The following FOXN3 variants were observed in gnomAD, a reference collection of about 807,000 sequenced individuals.
FOXN3 encodes forkhead box protein N3.
A neutral mutation model predicts 38.4 loss-of-function variants in FOXN3; 7 were observed. The observed-to-expected ratio is 0.18, with a 90% CI of 0.10 to 0.34. The LOEUF (loss-of-function observed/expected upper bound fraction) is 0.34. Among genes scored for constraint, FOXN3 ranks in the 10% least tolerant of loss-of-function variants. FOXN3 has a pLI of 1.00. For synonymous variants in FOXN3, 230 were observed against 242.2 expected (o/e 0.95, Z 0.47); for missense variants, 456 against 613.4 (o/e 0.74, Z 2.71).
At position 89,548,337 on chromosome 14, in the gene FOXN3, T is replaced by C. The variant is rs547383136; in HGVS notation, c.-15+70691A>G. 3.3e-5 allele frequency among the ~76,000 whole-genome samples: 5 copies of C among 152,320 alleles called. No homozygotes were observed. The highest frequency in any genetic ancestry group is 3.9e-4 in the East Asian group (2 of 5,186). ...TTATGTTTGTCAGAATATATGCATG[T>C]ATGCGGCTAGGCTACATATACGGTT... On this transcript the variant is annotated intron_variant, in intron 1 of 6. Transcript: ENST00000345097. This position sits in a 1 kb window ranked among gnomAD's most constrained non-coding sequence, Gnocchi z 4.8.
intron 2 of FOXN3, among the ~76,000 whole-genome samples, chr14:89,354,439 T>A (rs1464257294): frequency 6.7e-6 from 1 of 150,352 alleles, no homozygotes; most frequent in Non-Finnish European, 1.5e-5. Context: ...TTGGCCAGGC[T>A]GGTCTCAAAC....
In FOXN3 at chr14:89,347,724, C is replaced by T. The variant is rs368867702; in HGVS notation, c.680+2948G>A. Among the ~76,000 whole-genome samples the T allele has an allele frequency of 1.7e-3, 261 of 152,212 alleles. 2 individuals carry two copies. Among genetic ancestry groups the T allele is most frequent in the African/African-American group, 5.7e-3 (238 of 41,540 alleles). ...ATCCCAGCACTTTGGGAGGCCGAGGCGGGCGGATCATGAGTTCAAGAGATT... is the reference window on the plus strand; with the variant it reads ...ATCCCAGCACTTTGGGAGGCCGAGGTGGGCGGATCATGAGTTCAAGAGATT... On this transcript the variant is annotated intron_variant, in intron 3 of 5. Transcript: ENST00000557258.
chr14:89,525,772 A>G (rs528365645), intron 1 of FOXN3, among the ~76,000 whole-genome samples: 3 of 149,082 alleles, frequency 2.0e-5, no homozygotes, highest in South Asian at 2.1e-4. Context: ...GCTTTATTCT[A>G]TGAGTCCAGG....
At chr14:89,254,738 C>G (rs1407481484) in intron 4 of FOXN3, among the ~76,000 whole-genome samples, 1 of 152,132 alleles carries the variant, frequency 6.6e-6, no homozygotes, top group Non-Finnish European at 1.5e-5. Flanking sequence ...CCTCCAAGTT[C>G]TGCCTCTGAA....
chr14:89,570,070 G>A (rs934990884), intron 1 of FOXN3, among the ~76,000 whole-genome samples: 2 of 150,732 alleles, frequency 1.3e-5, no homozygotes, highest in South Asian at 2.1e-4. Flanking sequence ...GCGCAATCTC[G>A]GCTCACTGCA....
At chr14:89,459,324 C>T (rs1892791136) in intron 1 of FOXN3, among the ~76,000 whole-genome samples, 1 of 152,190 alleles carries the variant, frequency 6.6e-6, no homozygotes, top group Non-Finnish European at 1.5e-5. Context: ...TCTTGACAAT[C>T]CACTGAGGAG....
chr14:89,406,757 A>G (rs1891398776), intron 2 of FOXN3, among the ~76,000 whole-genome samples: 1 of 149,780 alleles, frequency 6.7e-6, no homozygotes, highest in African/African-American at 2.4e-5. Flanking sequence ...TTTTTTGTTC[A>G]AGTAGCAAGA....
At chr14:89,248,641 C>T (rs1885365956) in intron 4 of FOXN3, among the ~76,000 whole-genome samples, 1 of 152,240 alleles carries the variant, frequency 6.6e-6, no homozygotes. Flanking sequence ...CAGTGGAAAA[C>T]TGCCTGCTTT....
intron 4 of FOXN3, among the ~76,000 whole-genome samples, chr14:89,217,249 C>T (rs920044699): frequency 6.6e-6 from 1 of 152,124 alleles, no homozygotes; most frequent in Non-Finnish European, 1.5e-5. Context: ...ATCCTCCTGT[C>T]GCATTGCAGC....
chr14:89,420,211 T>C (rs77870146), upstream of FOXN3, among the ~76,000 whole-genome samples: 1,949 of 152,336 alleles, frequency 0.013, 19 homozygotes, highest in Admixed American at 0.038. Flanking sequence ...ACCTTTGAAC[T>C]GCCTCAAGCC....
At position 89,567,880 on chromosome 14, in the gene FOXN3, G is replaced by A. The variant is rs545108614; in HGVS notation, c.-15+51148C>T. Among the ~76,000 whole-genome samples, 6 of 151,920 alleles carry A rather than the reference G, an allele frequency of 3.9e-5. No homozygotes were observed. The South Asian group carries it at 8.4e-4, about 21-fold the overall frequency. On this transcript the variant is annotated intron_variant, in intron 1 of 6. Coordinates refer to the FOXN3 transcript ENST00000345097. ...TGGGATTACAGGTGCCCGCCACTAC[G>A]CCTGGCTAATTTTTTGTACATTTAG...
chr14:89,586,589 G>T (rs1432453236), intron 1 of FOXN3, among the ~76,000 whole-genome samples: 1 of 152,248 alleles, frequency 6.6e-6, no homozygotes, highest in African/African-American at 2.4e-5. Flanking sequence ...GAAGTAGATT[G>T]ATGAAAAGGT....
At chr14:89,571,560 G>A (rs1192401129) in intron 1 of FOXN3, among the ~76,000 whole-genome samples, 1 of 150,982 alleles carries the variant, frequency 6.6e-6, no homozygotes, top group Non-Finnish European at 1.5e-5. Context: ...AAGAATAAAA[G>A]TTGGTGAACT....
chr14:89,467,800 C>CTTTTTTTTTTTTTTTTT (rs1383456566), intron 1 of FOXN3, among the ~76,000 whole-genome samples: 1 of 57,890 alleles, frequency 1.7e-5, no homozygotes. Flanking sequence ...TCTTTTCTTT[C>CTTTTTTTTTTTTTTTTT]TTTGTTTTTT....
At chr14:89,517,522 G>A (rs1894231697) in intron 1 of FOXN3, among the ~76,000 whole-genome samples, 1 of 152,148 alleles carries the variant, frequency 6.6e-6, no homozygotes, top group Non-Finnish European at 1.5e-5. Flanking sequence ...GAAAGGGAGG[G>A]AAGGTGCTCA....
chr14:89,559,286 G>A (rs889461652), intron 1 of FOXN3, among the ~76,000 whole-genome samples: 2 of 152,042 alleles, frequency 1.3e-5, no homozygotes, highest in Non-Finnish European at 2.9e-5. Flanking sequence ...AGGCTGAACT[G>A]GGAGGATTTA....
intron 1 of FOXN3, among the ~76,000 whole-genome samples, chr14:89,447,791 G>A (rs944778673): frequency 1.3e-5 from 2 of 149,286 alleles, no homozygotes; most frequent in African/African-American, 5.0e-5. Context: ...ATCATCCGCA[G>A]TGGTTTCCTG....
In FOXN3 at chr14:89,372,075, G is replaced by A. The variant is rs929591226; in HGVS notation, c.544-21267C>T. Among the ~76,000 whole-genome samples, 7 of 151,814 alleles carry A rather than the reference G, an allele frequency of 4.6e-5. No individual in the cohort carries two copies. The East Asian group carries it at 5.8e-4, about 13-fold the overall frequency. ...GTGCCATCTGTCTTCTGCCAGGACC[G>A]TGACTGACAAAATAAAAAACGGAAT... On this transcript the variant is annotated intron_variant, in intron 2 of 5. Transcript: ENST00000557258.
chr14:89,388,530 G>A (rs1890853150), intron 2 of FOXN3, among the ~76,000 whole-genome samples: 1 of 152,106 alleles, frequency 6.6e-6, no homozygotes, highest in African/African-American at 2.4e-5. Flanking sequence ...CAGAACCTCT[G>A]GAGCCCCCTG....
Sources: gnomAD v4.1 joint callset for allele counts (sites outside exome capture counted in the v4.1 genomes callset) on GRCh38, gnomAD v4.1.1 for gene constraint, Gnocchi (gnomAD v3.1) non-coding constraint, MANE v1.5 for transcripts, NCBI Gene and HGNC (gene_info 2026-07-23, HGNC 2026-07-21) for gene names.